Variants in AMBRA1 observed in about 807,000 individuals in gnomAD.
AMBRA1 encodes autophagy and beclin 1 regulator 1.
In AMBRA1, 47 loss-of-function variants were observed where a neutral mutation model predicts 125.4. The ratio of observed to expected loss-of-function variants is 0.37; its 90% confidence interval spans 0.30 to 0.48. AMBRA1 has a LOEUF of 0.48. Ranked by LOEUF, AMBRA1 falls within the 20% of genes least tolerant of loss-of-function variation. The probability of loss-of-function intolerance (pLI) is 0.99; values close to 1 mark genes in which losing one functional copy is unlikely to be tolerated. For missense variants in AMBRA1, 1,331 were observed against 1,693.4 expected, an observed-to-expected ratio of 0.79 and a Z score of 3.76; for synonymous variants, 626 against 655.5, an observed-to-expected ratio of 0.95 and a Z score of 0.69.
At chr11:46,424,092 A>G (rs1164432086) in intron 14 of AMBRA1, among the ~76,000 whole-genome samples, 2 of 152,146 alleles carry the variant, frequency 1.3e-5, no homozygotes, top group South Asian at 4.1e-4. Context: ...GTGATTATTT[A>G]AAAACCCAAA....
chr11:46,440,356 G>C (rs914183065), intron 12 of AMBRA1, among the ~76,000 whole-genome samples: 13 of 152,134 alleles, frequency 8.5e-5, no homozygotes, highest in Non-Finnish European at 1.9e-4. Context: ...TACCATTTGG[G>C]TTAAATAAAA....
Position 46,570,261 on chromosome 11 carries a change from C to CAA in AMBRA1, c.-120-21763_-120-21762dup, listed in dbSNP as rs200875374. 8.5e-3 allele frequency among the ~76,000 whole-genome samples: 121 copies of CAA among 14,282 alleles called. 20 individuals are homozygous for CAA. The highest frequency in any genetic ancestry group is 0.027 in the East Asian group (18 of 666). 9.4% of individuals were successfully genotyped at this position (14,282 alleles called of 152,430 possible). A position where few individuals can be genotyped will look rare whatever the true frequency, so the allele number is the denominator to read the frequency against. The stretch of plus-strand genomic sequence containing the variant: ...TGGGCAACACAGTGAGACCATGTCT[C>CAA]AAAAAAAAAAAAAAAAAAAAAAAAA... On this transcript the variant is annotated intron_variant, in intron 1 of 17. Transcript: ENST00000683756.
intron 7 of AMBRA1, among the ~76,000 whole-genome samples, chr11:46,517,933 G>C (rs4568980): frequency 6.6e-6 from 1 of 150,712 alleles, no homozygotes; most frequent in Non-Finnish European, 1.5e-5. Flanking sequence ...TATATATATA[G>C]AGAGAGAGAG....
At chr11:46,456,858 G>C (rs1360358163) in intron 11 of AMBRA1, among the ~76,000 whole-genome samples, 1 of 152,222 alleles carries the variant, frequency 6.6e-6, no homozygotes, top group Non-Finnish European at 1.5e-5. Flanking sequence ...GGAGATGGCA[G>C]AAATGAAGAT....
At chr11:46,569,385 C>A (rs1362619587) in intron 1 of AMBRA1, among the ~76,000 whole-genome samples, 1 of 146,740 alleles carries the variant, frequency 6.8e-6, no homozygotes, top group Admixed American at 6.9e-5. Flanking sequence ...CATTACCCTG[C>A]AGCCTACCTT....
intron 15 of AMBRA1, among the ~76,000 whole-genome samples, chr11:46,415,893 A>C (rs1282179493): frequency 6.6e-6 from 1 of 152,216 alleles, no homozygotes. Flanking sequence ...GAGAAAACAG[A>C]AGCCAAAGTC....
Position 46,508,276 on chromosome 11 carries a change from G to T in AMBRA1, c.2254C>A (p.Arg752Ser), listed in dbSNP as rs774527865. 2 of 1,614,198 alleles carry T rather than the reference G, an allele frequency of 1.2e-6. No homozygotes were observed. Among genetic ancestry groups the T allele is most frequent in the Non-Finnish European group, 1.7e-6 (2 of 1,180,020 alleles). ...RQRSMRYQQN[R>S]LRSSTSSSSS... ...GAGGAGGAGGTGGAAGAACGGAGAC[G>T]GTTCTGTTGGTAGCGCATGGAGCGC... Residue 752 changes from arginine to serine, a missense_variant, in exon 9 of 18, where the codon CGT becomes AGT. Arg to Ser is a moderately radical substitution (Grantham distance 110). This residue lies in a region of AMBRA1 where 689 missense variants were observed against 776.5 expected (regional missense o/e 0.89). Transcript: ENST00000683756.
intron 11 of AMBRA1, among the ~76,000 whole-genome samples, chr11:46,460,502 T>G (rs1284742897): frequency 6.6e-6 from 1 of 152,100 alleles, no homozygotes; most frequent in Admixed American, 6.5e-5. Flanking sequence ...TTTTTGTATT[T>G]TTAGTAGAGA....
At chr11:46,505,543 G>A (rs962541638) in intron 9 of AMBRA1, among the ~76,000 whole-genome samples, 2 of 152,134 alleles carry the variant, frequency 1.3e-5, no homozygotes, top group African/African-American at 2.4e-5. Context: ...GACTTTCCAA[G>A]GAGTATGAGA....
intron 1 of AMBRA1, among the ~76,000 whole-genome samples, chr11:46,578,228 T>C (rs2044029195): frequency 6.6e-6 from 1 of 152,126 alleles, no homozygotes; most frequent in Non-Finnish European, 1.5e-5. Flanking sequence ...GGCTCACACC[T>C]GTAATCCCAG....
rs1949189787 is a variant in AMBRA1 at position 46,463,502 on chromosome 11, G to A, written c.2522-19904C>T. Among the ~76,000 whole-genome samples the A allele has an allele frequency of 2.0e-5, 3 of 152,276 alleles. No individual in the cohort carries two copies. The South Asian group carries it at 6.2e-4, about 32-fold the overall frequency. On this transcript the variant is annotated intron_variant, in intron 11 of 17. Transcript: ENST00000683756. ...CGACTGTCAGCTCCTTAAGAGTAGG[G>A]ACTACCTTAAATCCCTCTGAGAGAC...
At chr11:46,496,187 A>T (rs961716049) in intron 9 of AMBRA1, among the ~76,000 whole-genome samples, 47 of 152,056 alleles carry the variant, frequency 3.1e-4, no homozygotes, top group African/African-American at 1.1e-3. Flanking sequence ...CAGCCTGGCC[A>T]ACGTGGTGAA....
chr11:46,543,293 TG>T lies in AMBRA1; in HGVS notation c.723del (p.His241GlnfsTer125). On this transcript the variant is annotated frameshift_variant, in exon 7 of 18. Coordinates refer to ENST00000683756, the MANE Select transcript of AMBRA1 (RefSeq NM_001387011.1). LOFTEE classifies it high-confidence loss of function. ...SQPVRRTPLL[H>X]NFLHMLSSRS... Reference sequence around the variant, plus strand: ...CGGGAGGACAGCATGTGCAGGAAATTGTGGAGGAGAGGCGTCCGGCGAACTG... The same window carrying T: ...CGGGAGGACAGCATGTGCAGGAAATTTGGAGGAGAGGCGTCCGGCGAACTG... 1 of 1,613,858 alleles carries T rather than the reference TG, an allele frequency of 6.2e-7. No individual in the cohort carries two copies. The highest frequency in any genetic ancestry group is 8.5e-7 in the Non-Finnish European group (1 of 1,179,952).
At chr11:46,419,557 T>C (rs1429782771) in intron 14 of AMBRA1, among the ~76,000 whole-genome samples, 1 of 152,198 alleles carries the variant, frequency 6.6e-6, no homozygotes, top group East Asian at 1.9e-4. Flanking sequence ...TCACAAATGA[T>C]CATCAGGGCC....
At chr11:46,411,591 C>T (rs1014726880) in intron 15 of AMBRA1, among the ~76,000 whole-genome samples, 2 of 152,200 alleles carry the variant, frequency 1.3e-5, no homozygotes, top group Non-Finnish European at 2.9e-5. Context: ...GCCTCAGCCT[C>T]CTGAGCAGCT....
At chr11:46,516,117 G>A (rs1387115981) in intron 7 of AMBRA1, among the ~76,000 whole-genome samples, 3 of 152,106 alleles carry the variant, frequency 2.0e-5, no homozygotes, top group South Asian at 2.1e-4. Flanking sequence ...TTTGGAACAC[G>A]CATCCCCTGT....
chr11:46,417,155 G>A (rs1014428550), intron 15 of AMBRA1, among the ~76,000 whole-genome samples: 3 of 151,818 alleles, frequency 2.0e-5, no homozygotes, highest in Non-Finnish European at 2.9e-5. Flanking sequence ...AGGTTCAAGC[G>A]ATTCCCCTGC....
intron 11 of AMBRA1, among the ~76,000 whole-genome samples, chr11:46,452,726 C>G (rs995998756): frequency 6.6e-6 from 1 of 152,184 alleles, no homozygotes; most frequent in African/African-American, 2.4e-5. Context: ...CTCTAATCAT[C>G]ATTTAATCTA....
Position 46,494,087 on chromosome 11 carries a change from C to T in AMBRA1, c.2420+37G>A, listed in dbSNP as rs1247600563. On this transcript the variant is annotated intron_variant, in intron 10 of 17. Coordinates refer to ENST00000683756, the MANE Select transcript of AMBRA1 (RefSeq NM_001387011.1). Reference sequence around the variant, plus strand: ...TTTAAAACTAAATCCTAGGCTCTAACGAAGGCTCCCTCTGTTGCTAGCAAC... The same window carrying T: ...TTTAAAACTAAATCCTAGGCTCTAATGAAGGCTCCCTCTGTTGCTAGCAAC... 7 of 1,563,234 alleles carry T rather than the reference C, an allele frequency of 4.5e-6. No homozygotes were observed. In the Admixed American group the frequency reaches 5.4e-5, roughly 12 times the overall value.
Sources: allele counts gnomAD v4.1 joint callset (sites outside exome capture counted in the v4.1 genomes callset), GRCh38; gene constraint gnomAD v4.1.1; regional missense constraint gnomAD v4.1.1; transcripts MANE v1.5; gene names NCBI Gene and HGNC (gene_info 2026-07-23, HGNC 2026-07-21).